The following DIP2B variants were observed in gnomAD, a reference collection of about 807,000 sequenced individuals.
DIP2B encodes disco-interacting protein 2 homolog B.
Under a neutral mutation model 198.0 loss-of-function variants are expected in DIP2B, and 76 were observed. The ratio of observed to expected loss-of-function variants is 0.38; its 90% CI spans 0.32 to 0.46. DIP2B has a LOEUF of 0.46. Among genes scored for constraint, DIP2B ranks in the 20% least tolerant of loss-of-function variants. The probability of loss-of-function intolerance (pLI) is 0.99; values close to 1 mark genes in which losing one functional copy is unlikely to be tolerated. For missense variants in DIP2B, 1,559 were observed against 1,978.4 expected (o/e 0.79, Z 4.02); for synonymous variants, 701 against 739.1 (o/e 0.95, Z 0.84).
Position 50,724,839 on chromosome 12 carries a change from C to G in DIP2B, c.3353C>G (p.Ala1118Gly), listed in dbSNP as rs200669682. 1 of 1,614,170 alleles carries G rather than the reference C, an allele frequency of 6.2e-7. No homozygotes were observed. The highest frequency in any genetic ancestry group is 2.2e-5 in the East Asian group (1 of 44,886). ...ATGAGGCTACTGAGGTCCCGAGAGG[C>G]AGCAGCAGCTGTGGATGTGAAAACC... ...TLMRLLRSRE[A>G]AAAVDVKTWP... is the part of the protein sequence containing the mutation. The change falls in exon 28 of 38, where the codon GCA (alanine) becomes GGA (glycine). Residue 1118 changes from alanine (A) to glycine (G), a missense_variant. Coordinates refer to ENST00000301180, the MANE Select transcript of DIP2B (RefSeq NM_173602.3).
Position 50,699,064 on chromosome 12 carries a change from A to C in DIP2B, c.2189-2A>C. The C allele has an allele frequency of 6.2e-7, 1 of 1,614,028 alleles. No homozygotes were observed. Among genetic ancestry groups the C allele is most frequent in the Non-Finnish European group, 8.5e-7 (1 of 1,179,960 alleles). On this transcript the variant is annotated splice_acceptor_variant, in intron 18 of 37. Transcript: ENST00000301180. LOFTEE classifies it high-confidence loss of function. ...CTTTAACCTGTATTTTCTGTACGTT[A>C]GGGATGATGTGCATTGTGAAACCAG...
chr12:50,607,858 A>G (rs1324576808), intron 1 of DIP2B, among the ~76,000 whole-genome samples: 3 of 152,158 alleles, frequency 2.0e-5, no homozygotes, highest in Non-Finnish European at 4.4e-5. Context: ...CAGTGGCACG[A>G]TCTCGGCTCA....
At chr12:50,594,760 T>C (rs1490169969) in intron 1 of DIP2B, among the ~76,000 whole-genome samples, 1 of 152,224 alleles carries the variant, frequency 6.6e-6, no homozygotes, top group Non-Finnish European at 1.5e-5. Context: ...TAATATTACA[T>C]ATTAAAAGAT....
chr12:50,733,566 T>C (rs1940086060), intron 32 of DIP2B, among the ~76,000 whole-genome samples: 1 of 152,070 alleles, frequency 6.6e-6, no homozygotes. Context: ...TAGATGGGCT[T>C]AGTGGTACAT....
At chr12:50,574,773 G>T (rs1445827031) in intron 1 of DIP2B, among the ~76,000 whole-genome samples, 1 of 152,244 alleles carries the variant, frequency 6.6e-6, no homozygotes, top group African/African-American at 2.4e-5. Flanking sequence ...GTTGGTGCCA[G>T]GGTAGGAGAA....
rs1254332796 is a variant in DIP2B, at chr12:50,739,593, C to T, written c.4354+7C>T. 5.0e-6 allele frequency: 8 copies of T among 1,612,708 alleles called. No individual in the cohort carries two copies. Among genetic ancestry groups the T allele is most frequent in the South Asian group, 1.1e-5 (1 of 91,048 alleles). ...CTCACAGCGGCCACTGGAGGTACTT[C>T]TGCAACAACTCCCCATTGACCCTGC... On this transcript the variant is annotated splice_region_variant and intron_variant, in intron 36 of 37. Coordinates refer to ENST00000301180, the MANE Select transcript of DIP2B (RefSeq NM_173602.3).
chr12:50,578,462 C>T (rs977261282), intron 1 of DIP2B, among the ~76,000 whole-genome samples: 2 of 151,532 alleles, frequency 1.3e-5, no homozygotes, highest in Admixed American at 6.6e-5. Context: ...CACGCCTGGC[C>T]CTAAACAATA....
chr12:50,667,287 CTA>C (rs1938771688), intron 4 of DIP2B, among the ~76,000 whole-genome samples: 1 of 152,154 alleles, frequency 6.6e-6, no homozygotes, highest in Non-Finnish European at 1.5e-5. Flanking sequence ...GAAAGGCAAA[CTA>C]TGTTTTCAGA....
chr12:50,658,858 G>T (rs1421595425), intron 3 of DIP2B, among the ~76,000 whole-genome samples: 1 of 152,050 alleles, frequency 6.6e-6, no homozygotes, highest in Non-Finnish European at 1.5e-5. Flanking sequence ...GTAGGCCGAG[G>T]CGGGCAGATG....
At chr12:50,677,662 T>C (rs907058193) in intron 7 of DIP2B, among the ~76,000 whole-genome samples, 3 of 152,110 alleles carry the variant, frequency 2.0e-5, no homozygotes, top group Non-Finnish European at 4.4e-5. Flanking sequence ...TTTTATTATT[T>C]GAATAATACT....
intron 1 of DIP2B, among the ~76,000 whole-genome samples, chr12:50,567,044 T>C (rs150541675): frequency 2.0e-5 from 3 of 152,046 alleles, no homozygotes; most frequent in Non-Finnish European, 2.9e-5. Flanking sequence ...CTGACTTTTT[T>C]TTTGTTTGTT....
chr12:50,670,933 A>G (rs1938841503), intron 4 of DIP2B, among the ~76,000 whole-genome samples: 2 of 152,372 alleles, frequency 1.3e-5, no homozygotes, highest in South Asian at 4.1e-4. Context: ...AGCAGGGAAT[A>G]AAGTTTAAAT....
Position 50,744,777 on chromosome 12 carries a change from C to A in DIP2B, c.4669C>A (p.His1557Asn). ...CTCCAGAGGAGAGAAGCAGAGGATG[C>A]ACCTCCGTGATAGCTTCCTAGCTGA... Reference protein sequence around the residue: ...INSRGEKQRMHLRDSFLADQL... With the variant: ...INSRGEKQRMNLRDSFLADQL... Residue 1557 changes from histidine (H) to asparagine (N), a missense_variant, in exon 38 of 38, where the codon CAC (histidine) becomes AAC (asparagine). By Grantham distance (68) the His-to-Asn change is moderately conservative. Transcript: ENST00000301180. 1.2e-6 allele frequency: 2 copies of A among 1,614,178 alleles called. No individual in the cohort carries two copies.
At chr12:50,604,697 G>A (rs1441526049) in intron 1 of DIP2B, among the ~76,000 whole-genome samples, 1 of 152,126 alleles carries the variant, frequency 6.6e-6, no homozygotes, top group East Asian at 1.9e-4. Flanking sequence ...TTCTACTTCA[G>A]CCTCCCAGAG....
At chr12:50,544,006 GA>G (rs1958352419) in intron 1 of DIP2B, among the ~76,000 whole-genome samples, 1 of 149,450 alleles carries the variant, frequency 6.7e-6, no homozygotes, top group African/African-American at 2.5e-5. Context: ...GAGGCTGGCA[GA>G]CCACGAGGTC....
rs936780834 is a variant in DIP2B, at chr12:50,662,980, G to A, written c.427+2661G>A. Among the ~76,000 whole-genome samples, 4 of 152,012 alleles carry A rather than the reference G, an allele frequency of 2.6e-5. No homozygotes were observed. The East Asian group carries it at 7.7e-4, about 29-fold the overall frequency. On this transcript the variant is annotated intron_variant, in intron 4 of 37. Transcript: ENST00000301180. ...AAAAATTAGCCAGGTGTGGTGGTGC[G>A]TTCCTATAGTCCCAGCCACTCAGGA...
At chr12:50,623,437 A>ACACACACACT (rs1308369241) in intron 1 of DIP2B, among the ~76,000 whole-genome samples, 30 of 57,152 alleles carry the variant, frequency 5.2e-4, no homozygotes, top group African/African-American at 2.1e-3. Context: ...ACACACACAC[A>ACACACACACT]CTCTCTCTCT....
intron 1 of DIP2B, among the ~76,000 whole-genome samples, chr12:50,586,958 C>T (rs1958777030): frequency 6.6e-6 from 1 of 152,126 alleles, no homozygotes; most frequent in South Asian, 2.1e-4. Flanking sequence ...GTATATGCTT[C>T]TTTGGGTGGG....
chr12:50,694,148 A>G (rs1375568505), intron 14 of DIP2B, among the ~76,000 whole-genome samples: 1 of 152,188 alleles, frequency 6.6e-6, no homozygotes, highest in Non-Finnish European at 1.5e-5. Flanking sequence ...CGAACATGAT[A>G]AAAGCATTAA....
Sources: gnomAD v4.1 joint callset for allele counts (sites outside exome capture counted in the v4.1 genomes callset) on GRCh38, gnomAD v4.1.1 for gene constraint, MANE v1.5 for transcripts, NCBI Gene and HGNC (gene_info 2026-07-23, HGNC 2026-07-21) for gene names.